The following LRRC41 variants were observed in gnomAD, a reference collection of about 807,000 sequenced individuals.
LRRC41 encodes leucine-rich repeat-containing protein 41.
In LRRC41, 17 loss-of-function variants were observed where a neutral mutation model predicts 72.1. The ratio of observed to expected loss-of-function variants is 0.24; its 90% CI spans 0.16 to 0.35. LRRC41 has a LOEUF of 0.35. LRRC41 is among the 10% of genes least tolerant of loss of function. The probability of loss-of-function intolerance (pLI) is 1.00; values close to 1 mark genes in which losing one functional copy is unlikely to be tolerated. For synonymous variants in LRRC41, 427 were observed against 431.0 expected (o/e 0.99, Z 0.11); for missense variants, 759 against 1,065.0 (o/e 0.71, Z 4.00).
At position 46,285,636 on chromosome 1, in the gene LRRC41, A is replaced by G; in HGVS notation, c.1221T>C (p.Gly407=). 1 of 1,614,170 alleles carries G rather than the reference A, an allele frequency of 6.2e-7. No individual in the cohort carries two copies. Among genetic ancestry groups the G allele is most frequent in the South Asian group, 1.1e-5 (1 of 91,068 alleles). The change falls in exon 4 of 10, where the codon GGT becomes GGC. Residue 407 remains glycine, a synonymous_variant. Coordinates refer to ENST00000617190, the MANE Select transcript of LRRC41 (RefSeq NM_006369.5). This position sits in a 1 kb window ranked among gnomAD's most constrained non-coding sequence, Gnocchi z 5.3. ...KKGARTRQGP[G]AESEDLYDFV... Reference sequence around the variant, plus strand: ...AGTCATACAGGTCTTCAGACTCTGCACCAGGCCCCTGACGGGTGCGAGCAC... The same window carrying G: ...AGTCATACAGGTCTTCAGACTCTGCGCCAGGCCCCTGACGGGTGCGAGCAC...
At chr1:46,293,805 C>T (rs777603257) in intron 3 of LRRC41, among the ~76,000 whole-genome samples, 8 of 151,572 alleles carry the variant, frequency 5.3e-5, no homozygotes, top group South Asian at 2.1e-4. Flanking sequence ...ACTATGTCAC[C>T]GAGGCTGGAG....
chr1:46,302,958 G>T lies in LRRC41; in HGVS notation c.199+166C>A. 1 of 984,314 alleles carries T rather than the reference G, an allele frequency of 1.0e-6. No homozygotes were observed. Among genetic ancestry groups the T allele is most frequent in the Non-Finnish European group, 1.2e-6 (1 of 829,656 alleles). 61.0% of individuals were successfully genotyped at this position (984,314 alleles called of 1,614,324 possible). On this transcript the variant is annotated intron_variant, in intron 1 of 9. Transcript: ENST00000617190. The surrounding 1 kb of genome is among the most constrained non-coding windows in gnomAD (Gnocchi z 4.7). ...CCATTTAGGTCTCCGTCTTTACTCTGTCCAGCCCTGTCAGTCACAAAATTC... is the reference window on the plus strand; with the variant it reads ...CCATTTAGGTCTCCGTCTTTACTCTTTCCAGCCCTGTCAGTCACAAAATTC...
In LRRC41 at chr1:46,278,922, C is replaced by T. The variant is rs761964044; in HGVS notation, c.2382G>A (p.Val794=). 1 of 1,613,634 alleles carries T rather than the reference C, an allele frequency of 6.2e-7. No homozygotes were observed. The highest frequency in any genetic ancestry group is 1.3e-5 in the African/African-American group (1 of 74,922). The part of the protein sequence containing the change: ...AIRRLRATCH[V]VSDSWDSSQA... The stretch of plus-strand genomic sequence containing the variant: ...GGGATGAGTCCCATGAGTCGCTAAC[C>T]ACATGGCAGGTAGCCCGGAGCCGCC... Residue 794 remains valine, a synonymous_variant, in exon 10 of 10, where the codon GTG becomes GTA. Coordinates refer to ENST00000617190, the MANE Select transcript of LRRC41 (RefSeq NM_006369.5).
At position 46,302,422 on chromosome 1, in the gene LRRC41, C is replaced by A. The variant is rs1661256608; in HGVS notation, c.199+702G>T. On this transcript the variant is annotated intron_variant, in intron 1 of 9. Transcript: ENST00000617190. This position sits in a 1 kb window ranked among gnomAD's most constrained non-coding sequence, Gnocchi z 4.7. ...GTGGCCTCCGGCGCTCCCTGTCCTG[C>A]GGGTCGCACGGTCGCTCGGTCGCTT... 1.0e-6 allele frequency: 1 copy of A among 985,422 alleles called. No individual in the cohort carries two copies. The highest frequency in any genetic ancestry group is 1.2e-6 in the Non-Finnish European group (1 of 829,924). 61.0% of individuals were successfully genotyped at this position (985,422 alleles called of 1,614,324 possible). A position where few individuals can be genotyped will look rare whatever the true frequency, so the allele number is the denominator to read the frequency against.
chr1:46,303,295 G>T lies in LRRC41; in HGVS notation c.28C>A (p.Arg10=), dbSNP rs577864275. MAAPEAWRA[R]SCWFCEVAAA... Reference sequence around the variant, plus strand: ...GCTACCTCACAGAACCAGCAACTCCGGGCGCGCCAGGCCTCGGGCGCCGCC... The same window carrying T: ...GCTACCTCACAGAACCAGCAACTCCTGGCGCGCCAGGCCTCGGGCGCCGCC... The change falls in exon 1 of 10, where the codon CGG becomes AGG. Residue 10 remains arginine, a synonymous_variant. Transcript: ENST00000617190. 4 of 1,537,918 alleles carry T rather than the reference G, an allele frequency of 2.6e-6. No homozygotes were observed. The highest frequency in any genetic ancestry group is 2.5e-5 in the East Asian group (1 of 40,308).
chr1:46,279,328 T>C lies in LRRC41; in HGVS notation c.2144-71A>G. The C allele has an allele frequency of 2.5e-6, 4 of 1,579,914 alleles. No individual in the cohort carries two copies. The highest frequency in any genetic ancestry group is 1.1e-5 in the South Asian group (1 of 90,178). On this transcript the variant is annotated intron_variant, in intron 8 of 9. Coordinates refer to ENST00000617190, the MANE Select transcript of LRRC41 (RefSeq NM_006369.5). The surrounding 1 kb of genome is among the most constrained non-coding windows in gnomAD (Gnocchi z 4.5). ...GGACAAGGGTATCCCAACCCAACTA[T>C]GGCTGGCAGAACCAGCCCTGCTGGT...
chr1:46,280,978 G>A, intron 5 of LRRC41, 147 bp downstream of exon 5: 2 of 1,105,900 alleles, frequency 1.8e-6, no homozygotes, highest in Non-Finnish European at 2.6e-6. Flanking sequence ...TATCTTAGTG[G>A]TAGGCTCTAA....
intron 1 of LRRC41, chr1:46,299,044 G>A (rs1316106114): frequency 2.0e-5 from 3 of 152,146 alleles, no homozygotes; most frequent in Non-Finnish European, 4.4e-5. Context: ...ACTTTCCTAT[G>A]AAGAATAGAA....
At position 46,303,388 on chromosome 1, in the gene LRRC41, A is replaced by C. The variant is rs1235805080; in HGVS notation, c.-66T>G. On this transcript the variant is annotated 5_prime_UTR_variant, in exon 1 of 10. An upstream open reading frame in the 5' UTR loses its in-frame stop. Transcript: ENST00000617190. ...CGCCATCTTGAAAAGGTCAGCAGTTAGGACGGCTCCATAAGCGATATGGGG... is the reference window on the plus strand; with the variant it reads ...CGCCATCTTGAAAAGGTCAGCAGTTCGGACGGCTCCATAAGCGATATGGGG... 4 of 1,385,528 alleles carry C rather than the reference A, an allele frequency of 2.9e-6. No homozygotes were observed. The highest frequency in any genetic ancestry group is 3.8e-6 in the Non-Finnish European group (4 of 1,049,142). The allele number at this position is 1,385,528 out of a possible 1,614,324, so 85.8% of individuals were successfully genotyped here. A position where few individuals can be genotyped will look rare whatever the true frequency, so the allele number is the denominator to read the frequency against.
intron 1 of LRRC41, chr1:46,299,131 TTATAG>T (rs948894192): frequency 3.9e-5 from 6 of 152,220 alleles, no homozygotes; most frequent in African/African-American, 7.2e-5. Flanking sequence ...CTAAGAGCTG[TTATAG>T]TATAGTGTCT....
chr1:46,291,360 G>T (rs1441231934), intron 3 of LRRC41, among the ~76,000 whole-genome samples: 2 of 151,876 alleles, frequency 1.3e-5, no homozygotes, highest in African/African-American at 2.4e-5. Flanking sequence ...AAGAGACAGG[G>T]TCTTGTCCCA....
Position 46,277,645 on chromosome 1 carries a change from G to A in LRRC41, c.*1220C>T. 1 of 743,548 alleles carries A rather than the reference G, an allele frequency of 1.3e-6. No individual in the cohort carries two copies. The highest frequency in any genetic ancestry group is 2.2e-6 in the Non-Finnish European group (1 of 448,182). The allele number at this position is 743,548 out of a possible 1,614,324, so 46.1% of individuals were successfully genotyped here. ...ATTCATGTCATGTTCTCAGGAGACAGACTGGGAAAATGGACCTCAGCTGAG... is the reference window on the plus strand; with the variant it reads ...ATTCATGTCATGTTCTCAGGAGACAAACTGGGAAAATGGACCTCAGCTGAG... On this transcript the variant is annotated 3_prime_UTR_variant, in exon 10 of 10. Coordinates refer to ENST00000617190, the MANE Select transcript of LRRC41 (RefSeq NM_006369.5).
At chr1:46,283,939 C>T (rs998109091) in intron 4 of LRRC41, among the ~76,000 whole-genome samples, 3 of 152,020 alleles carry the variant, frequency 2.0e-5, no homozygotes, top group East Asian at 1.9e-4. Flanking sequence ...GCTGGGATTA[C>T]GGGCGTGAGC....
At chr1:46,299,982 A>G (rs1268983311) in intron 1 of LRRC41, 2 of 152,218 alleles carry the variant, frequency 1.3e-5, no homozygotes, top group Non-Finnish European at 2.9e-5. Flanking sequence ...ATGCCCAGCC[A>G]TAATAAGCTC....
chr1:46,279,173 C>A lies in LRRC41; in HGVS notation c.2219+9G>T. The A allele has an allele frequency of 6.2e-7, 1 of 1,614,082 alleles. No individual in the cohort carries two copies. The highest frequency in any genetic ancestry group is 2.2e-5 in the East Asian group (1 of 44,886). On this transcript the variant is annotated intron_variant, in intron 9 of 9. Coordinates refer to ENST00000617190, the MANE Select transcript of LRRC41 (RefSeq NM_006369.5). This position sits in a 1 kb window ranked among gnomAD's most constrained non-coding sequence, Gnocchi z 4.5. ...CCCCATCCCTTGTCTTGCCCCTCCC[C>A]TCATGTACCTGATGTCCAGCTGACA...
intron 6 of LRRC41, 22 bp downstream of exon 6, chr1:46,280,374 C>A: frequency 6.2e-7 from 1 of 1,614,162 alleles, no homozygotes. Flanking sequence ...CCTCTCCCTT[C>A]ACCATTCTGG....
In LRRC41 at chr1:46,288,848, C is replaced by T. The variant is rs886118920; in HGVS notation, c.358-2349G>A. Among the ~76,000 whole-genome samples the T allele has an allele frequency of 4.6e-5, 7 of 152,258 alleles. No homozygotes were observed. The East Asian group carries it at 1.2e-3, about 25-fold the overall frequency. ...ACAATACCTGGCAACCAAATCTCTGCTCAACTTTGAGTGAAGGCAAAGAAG... is the reference window on the plus strand; with the variant it reads ...ACAATACCTGGCAACCAAATCTCTGTTCAACTTTGAGTGAAGGCAAAGAAG... On this transcript the variant is annotated intron_variant, in intron 3 of 9. Coordinates refer to ENST00000617190, the MANE Select transcript of LRRC41 (RefSeq NM_006369.5).
chr1:46,297,848 C>T (rs531595362), intron 2 of LRRC41, among the ~76,000 whole-genome samples: 82 of 152,162 alleles, frequency 5.4e-4, no homozygotes, highest in Non-Finnish European at 1.1e-3. Flanking sequence ...GGTTCAGTCT[C>T]CTCATCTGTA....
intron 3 of LRRC41, among the ~76,000 whole-genome samples, chr1:46,289,997 A>G (rs1045672185): frequency 2.6e-5 from 4 of 152,222 alleles, no homozygotes; most frequent in Admixed American, 2.6e-4. Context: ...TATTTGTACA[A>G]ACTAGGGAGG....
Sources: gnomAD v4.1 joint callset for allele counts (sites outside exome capture counted in the v4.1 genomes callset) on GRCh38, gnomAD v4.1.1 for gene constraint, Gnocchi (gnomAD v3.1) non-coding constraint, MANE v1.5 for transcripts, NCBI Gene and HGNC (gene_info 2026-07-23, HGNC 2026-07-21) for gene names.